GNAL: variants seen among roughly 807,000 people sequenced by gnomAD.
GNAL encodes the protein guanine nucleotide-binding protein G(olf) subunit alpha.
A neutral mutation model predicts 55.1 loss-of-function variants in GNAL; 18 were observed. The ratio of observed to expected loss-of-function variants is 0.33; its 90% CI spans 0.23 to 0.48. The LOEUF (loss-of-function observed/expected upper bound fraction) is 0.48. Among genes scored for constraint, GNAL ranks in the 20% least tolerant of loss-of-function variants. GNAL has a pLI of 0.99. For missense variants in GNAL, 412 were observed against 614.1 expected (o/e 0.67, Z 3.48); for synonymous variants, 253 against 237.0 (o/e 1.07, Z -0.62).
chr18:11,691,732 G>A (rs905923676), intron 1 of GNAL, among the ~76,000 whole-genome samples: 1 of 152,070 alleles, frequency 6.6e-6, no homozygotes, highest in African/African-American at 2.4e-5. Flanking sequence ...TTTCCCCATT[G>A]CTTGTTTTTC....
intron 5 of GNAL, chr18:11,851,465 C>T (rs1016038576): frequency 2.7e-6 from 4 of 1,482,602 alleles, no homozygotes; most frequent in Non-Finnish European, 2.7e-6. Flanking sequence ...TCTCTGCCTT[C>T]GGCGCGCTTC....
At chr18:11,869,020 A>G (rs2036329066) in intron 9 of GNAL, among the ~76,000 whole-genome samples, 1 of 142,210 alleles carries the variant, frequency 7.0e-6, no homozygotes, top group Admixed American at 6.7e-5. Context: ...ACACACACAC[A>G]TACCTACACC....
At chr18:11,765,643 T>C (rs1598438432) in intron 4 of GNAL, among the ~76,000 whole-genome samples, 1 of 152,186 alleles carries the variant, frequency 6.6e-6, no homozygotes, top group East Asian at 1.9e-4. Context: ...AGCTCCCACA[T>C]AGGAGTGAGA....
At position 11,862,462 on chromosome 18, in the gene GNAL, A is replaced by C; in HGVS notation, c.777+13A>C. The C allele has an allele frequency of 6.4e-7, 1 of 1,574,364 alleles. No homozygotes were observed. The highest frequency in any genetic ancestry group is 8.7e-7 in the Non-Finnish European group (1 of 1,143,830). On this transcript the variant is annotated intron_variant, in intron 6 of 11. Transcript: ENST00000334049. ...ACCCACAGACCAGGTATGTGGAATT[A>C]GGGTCCCCCACCACACACCAGAAAC...
intron 5 of GNAL, 77 bp downstream of exon 5, chr18:11,825,092 A>C: frequency 1.2e-6 from 1 of 812,454 alleles, no homozygotes; most frequent in South Asian, 1.6e-5. Context: ...CCTTCTCAGT[A>C]CTGAAGTTTC....
chr18:11,842,984 A>G (rs1598421900), intron 5 of GNAL, among the ~76,000 whole-genome samples: 1 of 152,228 alleles, frequency 6.6e-6, no homozygotes, highest in Non-Finnish European at 1.5e-5. Context: ...GGTACATTAT[A>G]AAGGTACAAA....
intron 1 of GNAL, among the ~76,000 whole-genome samples, chr18:11,732,960 A>AAGAG (rs897151456): frequency 6.6e-6 from 1 of 152,222 alleles, no homozygotes; most frequent in Non-Finnish European, 1.5e-5. Context: ...TTCATGAAGT[A>AAGAG]AGAGCTTTCT....
intron 11 of GNAL, among the ~76,000 whole-genome samples, chr18:11,879,325 G>A (rs1225975890): frequency 6.6e-6 from 1 of 151,992 alleles, no homozygotes; most frequent in East Asian, 1.9e-4. Context: ...AGGGGATGAG[G>A]AGGAGGCCCA....
intron 4 of GNAL, among the ~76,000 whole-genome samples, chr18:11,786,775 CTT>C (rs1182914960): frequency 6.6e-6 from 1 of 151,884 alleles, no homozygotes; most frequent in Non-Finnish European, 1.5e-5. Flanking sequence ...TCATTTGAAT[CTT>C]TTTATATTTT....
intron 9 of GNAL, among the ~76,000 whole-genome samples, chr18:11,869,379 G>A (rs556399501): frequency 1.1e-4 from 16 of 152,106 alleles, no homozygotes; most frequent in Non-Finnish European, 1.9e-4. Flanking sequence ...TCCTGACCTC[G>A]TGATCCACCC....
chr18:11,876,354 T>G (rs1014077131), intron 10 of GNAL, among the ~76,000 whole-genome samples: 2 of 151,936 alleles, frequency 1.3e-5, no homozygotes, highest in Non-Finnish European at 2.9e-5. Context: ...TTCCAGCTAG[T>G]AGGGAGGCTG....
At chr18:11,769,255 T>A (rs1171550823) in intron 4 of GNAL, among the ~76,000 whole-genome samples, 2 of 149,970 alleles carry the variant, frequency 1.3e-5, no homozygotes, top group Non-Finnish European at 3.0e-5. Flanking sequence ...TGTAGTTTAA[T>A]GCTAACTCAT....
At chr18:11,849,390 T>C (rs190197424) in intron 5 of GNAL, among the ~76,000 whole-genome samples, 95 of 151,568 alleles carry the variant, frequency 6.3e-4, no homozygotes, top group African/African-American at 2.2e-3. Context: ...TAATCTCAGC[T>C]ACTCGGGAGA....
At chr18:11,697,541 G>C (rs2031449110) in intron 1 of GNAL, among the ~76,000 whole-genome samples, 1 of 151,604 alleles carries the variant, frequency 6.6e-6, no homozygotes, top group South Asian at 2.1e-4. Context: ...ATGGGGGAGA[G>C]AGCAAGACTC....
intron 6 of GNAL, among the ~76,000 whole-genome samples, chr18:11,863,334 C>T (rs1261738444): frequency 3.3e-5 from 5 of 152,230 alleles, no homozygotes; most frequent in African/African-American, 1.2e-4. Flanking sequence ...AGGGATGTCT[C>T]TGTTCAAACC....
chr18:11,873,125 A>G (rs993023796), intron 10 of GNAL, among the ~76,000 whole-genome samples: 3 of 152,250 alleles, frequency 2.0e-5, no homozygotes, highest in Admixed American at 6.5e-5. Context: ...CCAGAGGCTC[A>G]TAGGAGTGAT....
intron 1 of GNAL, chr18:11,746,161 CA>C: frequency 1.8e-6 from 1 of 546,346 alleles, no homozygotes. Flanking sequence ...GATTTAAAGG[CA>C]AATGGCAAAG....
At chr18:11,854,242 T>G (rs1449061000) in intron 5 of GNAL, 1 of 167,102 alleles carries the variant, frequency 6.0e-6, no homozygotes, top group Non-Finnish European at 1.5e-5. Context: ...AATTAATATA[T>G]TTTGTGAGAT....
At chr18:11,692,021 A>G (rs991589681) in intron 1 of GNAL, among the ~76,000 whole-genome samples, 4 of 152,224 alleles carry the variant, frequency 2.6e-5, no homozygotes, top group Non-Finnish European at 5.9e-5. Context: ...GAATGAAAAA[A>G]AAATCACGAT....
Sources: allele counts gnomAD v4.1 joint callset (sites outside exome capture counted in the v4.1 genomes callset), GRCh38; gene constraint gnomAD v4.1.1; transcripts MANE v1.5; gene names NCBI Gene and HGNC (gene_info 2026-07-23, HGNC 2026-07-21).